GTF2F2: variants seen among roughly 807,000 people sequenced by gnomAD.
The protein encoded by GTF2F2 is ATP-dependent helicase GTF2F2.
A neutral mutation model predicts 42.2 loss-of-function variants in GTF2F2; 23 were observed. The observed-to-expected ratio is 0.55, with a 90% confidence interval of 0.39 to 0.77. The LOEUF is 0.77. Among genes scored for constraint, GTF2F2 ranks in the 30% least tolerant of loss-of-function variants. GTF2F2 has a pLI of 0.00. For missense variants in GTF2F2, 261 were observed against 287.2 expected, an observed-to-expected ratio of 0.91 and a Z score of 0.66; for synonymous variants, 105 against 100.8, an observed-to-expected ratio of 1.04 and a Z score of -0.25.
At chr13:45,173,143 G>A (rs1871678257) in intron 4 of GTF2F2, among the ~76,000 whole-genome samples, 1 of 151,968 alleles carries the variant, frequency 6.6e-6, no homozygotes, top group Non-Finnish European at 1.5e-5. Flanking sequence ...TGTACAGAGA[G>A]AAAAAATATG....
At chr13:45,153,560 T>C (rs746419728) in intron 4 of GTF2F2, among the ~76,000 whole-genome samples, 28 of 152,190 alleles carry the variant, frequency 1.8e-4, no homozygotes, top group Non-Finnish European at 3.8e-4. Context: ...TTTTATACTG[T>C]TGAAGATTCA....
rs749219055 is a variant in GTF2F2 at position 45,216,367 on chromosome 13, C to G, written c.386+8862C>G. 2.4e-4 allele frequency among the ~76,000 whole-genome samples: 37 copies of G among 152,112 alleles called. 1 individual carries two copies. The highest frequency in any genetic ancestry group is 2.4e-3 in the Admixed American group (37 of 15,254). ...TTCAGTAGCTAAGTGTTGTCTCACC[C>G]TGAACATCTCTTGTTTTCTTTGGAA... On this transcript the variant is annotated intron_variant, in intron 5 of 7. Coordinates refer to ENST00000340473, the MANE Select transcript of GTF2F2 (RefSeq NM_004128.3).
intron 6 of GTF2F2, among the ~76,000 whole-genome samples, chr13:45,265,872 G>A (rs1876541213): frequency 6.6e-6 from 1 of 152,176 alleles, no homozygotes; most frequent in South Asian, 2.1e-4. Flanking sequence ...CTGACCCACA[G>A]GACATTCTTC....
intron 5 of GTF2F2, among the ~76,000 whole-genome samples, chr13:45,244,702 A>C (rs1429243917): frequency 6.6e-6 from 1 of 152,042 alleles, no homozygotes; most frequent in Non-Finnish European, 1.5e-5. Context: ...ACAGAGTCTC[A>C]CTCTGTTGCC....
At chr13:45,279,698 C>G (rs7333773) in intron 7 of GTF2F2, among the ~76,000 whole-genome samples, 60,071 of 151,888 alleles carry the variant, frequency 0.4, 13,925 homozygotes, top group African/African-American at 0.63. Flanking sequence ...ACGAGGTCAG[C>G]AGTTCAAGAC....
chr13:45,128,984 T>TA (rs1869196321), intron 1 of GTF2F2, among the ~76,000 whole-genome samples: 1 of 152,226 alleles, frequency 6.6e-6, no homozygotes, highest in Non-Finnish European at 1.5e-5. Context: ...GATATATAGT[T>TA]ACTTTCCCTT....
At chr13:45,183,945 T>C (rs1303875612) in intron 4 of GTF2F2, among the ~76,000 whole-genome samples, 2 of 151,906 alleles carry the variant, frequency 1.3e-5, no homozygotes, top group African/African-American at 4.8e-5. Context: ...AACCTCTTCC[T>C]CCCGGGCTCA....
At chr13:45,269,364 A>G (rs551863277) in intron 7 of GTF2F2, among the ~76,000 whole-genome samples, 1 of 152,330 alleles carries the variant, frequency 6.6e-6, no homozygotes, top group East Asian at 1.9e-4. Flanking sequence ...AGCCAGTGCC[A>G]AGAAAGTGTG....
At chr13:45,249,387 A>AT (rs953617130) in intron 5 of GTF2F2, among the ~76,000 whole-genome samples, 1 of 152,072 alleles carries the variant, frequency 6.6e-6, no homozygotes, top group African/African-American at 2.4e-5. Flanking sequence ...TTTAAAAAAA[A>AT]AATCAGTGTT....
At chr13:45,198,139 G>A (rs929358634) in intron 4 of GTF2F2, among the ~76,000 whole-genome samples, 2 of 152,152 alleles carry the variant, frequency 1.3e-5, no homozygotes, top group African/African-American at 4.8e-5. Flanking sequence ...AGTTAATTGG[G>A]TCCAATGCCT....
chr13:45,152,891 T>G (rs536433199), intron 4 of GTF2F2, among the ~76,000 whole-genome samples: 2 of 152,324 alleles, frequency 1.3e-5, no homozygotes, highest in African/African-American at 4.8e-5. Context: ...TTCAAAAAGC[T>G]TATTGACAAA....
At chr13:45,190,433 A>G (rs1022472872) in intron 4 of GTF2F2, among the ~76,000 whole-genome samples, 7 of 152,210 alleles carry the variant, frequency 4.6e-5, no homozygotes, top group Non-Finnish European at 1.0e-4. Flanking sequence ...TGTTAGGGAT[A>G]TAAGTGGCTT....
intron 5 of GTF2F2, among the ~76,000 whole-genome samples, chr13:45,247,337 A>G (rs1875677927): frequency 6.6e-6 from 1 of 151,696 alleles, no homozygotes; most frequent in African/African-American, 2.4e-5. Flanking sequence ...AGACTGTCTC[A>G]AATTAAATTA....
At chr13:45,160,627 A>T (rs866992396) in intron 4 of GTF2F2, among the ~76,000 whole-genome samples, 8 of 152,204 alleles carry the variant, frequency 5.3e-5, no homozygotes, top group African/African-American at 1.9e-4. Flanking sequence ...TACATTCATT[A>T]GCATCACTAC....
intron 4 of GTF2F2, among the ~76,000 whole-genome samples, chr13:45,192,018 A>G (rs1872679522): frequency 6.6e-6 from 1 of 152,150 alleles, no homozygotes; most frequent in African/African-American, 2.4e-5. Flanking sequence ...CTGACAGTAA[A>G]TCACTACCTT....
chr13:45,194,449 C>T, intron 4 of GTF2F2: 1 of 1,614,134 alleles, frequency 6.2e-7, no homozygotes. Context: ...TAAATATCCA[C>T]CAACGTTGAG....
intron 5 of GTF2F2, among the ~76,000 whole-genome samples, chr13:45,225,328 C>T (rs956238844): frequency 5.9e-5 from 9 of 151,726 alleles, no homozygotes; most frequent in African/African-American, 2.2e-4. Flanking sequence ...TTTTTGAAAT[C>T]AATCACTTAA....
intron 5 of GTF2F2, among the ~76,000 whole-genome samples, chr13:45,231,106 ATTAT>A (rs954308314): frequency 3.7e-4 from 55 of 150,630 alleles, no homozygotes; most frequent in Non-Finnish European, 5.6e-4. Context: ...TTTTTTATTT[ATTAT>A]TTATTTATTA....
At chr13:45,171,853 G>C (rs1871614308) in intron 4 of GTF2F2, among the ~76,000 whole-genome samples, 1 of 149,926 alleles carries the variant, frequency 6.7e-6, no homozygotes, top group South Asian at 2.1e-4. Flanking sequence ...TAAAATACTT[G>C]GTCTTTTGTG....
Sources: allele counts gnomAD v4.1 joint callset (sites outside exome capture counted in the v4.1 genomes callset), GRCh38; gene constraint gnomAD v4.1.1; transcripts MANE v1.5; gene names NCBI Gene and HGNC (gene_info 2026-07-23, HGNC 2026-07-21).